The following ABAT variants were observed in gnomAD, a reference collection of about 807,000 sequenced individuals.
ABAT encodes 4-aminobutyrate aminotransferase, mitochondrial.
A neutral mutation model predicts 64.6 loss-of-function variants in ABAT; 45 were observed. The ratio of observed to expected loss-of-function variants is 0.70; its 90% CI spans 0.55 to 0.89. The LOEUF (loss-of-function observed/expected upper bound fraction) is 0.89. Among genes scored for constraint, ABAT ranks in the 40% least tolerant of loss-of-function variants. The pLI is 0.00. For missense variants in ABAT, 633 were observed against 658.4 expected (o/e 0.96, Z 0.42); for synonymous variants, 297 against 250.5 (o/e 1.19, Z -1.75).
intron 1 of ABAT, among the ~76,000 whole-genome samples, chr16:8,728,068 CAGAGAGAGAGAG>C (rs112812315): frequency 1.3e-5 from 2 of 150,476 alleles, no homozygotes; most frequent in Non-Finnish European, 3.0e-5. Flanking sequence ...GAGACCCTGT[CAGAGAGAGAGAG>C]AGAGAGAGAT....
At chr16:8,676,135 T>C (rs1177468205) in intron 1 of ABAT, among the ~76,000 whole-genome samples, 1 of 152,122 alleles carries the variant, frequency 6.6e-6, no homozygotes, top group Non-Finnish European at 1.5e-5. Context: ...TTGGAGCCTG[T>C]GTTGCGGCGT....
chr16:8,756,127 C>A (rs898956296), intron 5 of ABAT, among the ~76,000 whole-genome samples: 1 of 151,640 alleles, frequency 6.6e-6, no homozygotes, highest in Non-Finnish European at 1.5e-5. Flanking sequence ...GCACGAGACA[C>A]GAGAATCGCT....
intron 8 of ABAT, 81 bp from the exon 9 acceptor site, chr16:8,766,127 T>C (rs2059935239): frequency 2.2e-6 from 3 of 1,340,248 alleles, no homozygotes; most frequent in Non-Finnish European, 3.2e-6. Context: ...TTGTCTGGAC[T>C]GAATATCGGT....
intron 1 of ABAT, among the ~76,000 whole-genome samples, chr16:8,725,757 G>A (rs934938163): frequency 1.3e-5 from 2 of 152,128 alleles, no homozygotes; most frequent in Non-Finnish European, 2.9e-5. Flanking sequence ...GTACTTAGGG[G>A]TGGAATTGCT....
intron 1 of ABAT, among the ~76,000 whole-genome samples, chr16:8,676,045 G>A (rs890466794): frequency 9.2e-5 from 14 of 151,636 alleles, no homozygotes; most frequent in African/African-American, 3.4e-4. Context: ...TGGGGGTGGG[G>A]AGGGGGTGGG....
At chr16:8,755,627 C>T (rs1381751422) in intron 5 of ABAT, among the ~76,000 whole-genome samples, 1 of 152,126 alleles carries the variant, frequency 6.6e-6, no homozygotes, top group African/African-American at 2.4e-5. Flanking sequence ...GGCTTGACTT[C>T]AGGCCGGGTT....
chr16:8,766,383 G>C lies in ABAT; in HGVS notation c.603+113G>C, dbSNP rs967900160. On this transcript the variant is annotated intron_variant, in intron 9 of 15. Coordinates refer to ENST00000268251, the MANE Select transcript of ABAT (RefSeq NM_020686.6). ...AATTAGGAAGGGCCAGGCCAGGCGC[G>C]GTGGCTCATGCCTGTAATCCCAGCA... The C allele has an allele frequency of 4.2e-5, 43 of 1,016,060 alleles. No individual in the cohort carries two copies. In the Admixed American group the frequency reaches 7.0e-4, roughly 17 times the overall value. The allele number at this position is 1,016,060 out of a possible 1,614,324, so 62.9% of individuals were successfully genotyped here. A position where few individuals can be genotyped will look rare whatever the true frequency, so the allele number is the denominator to read the frequency against.
intron 1 of ABAT, among the ~76,000 whole-genome samples, chr16:8,687,718 T>A (rs2057488217): frequency 6.6e-6 from 1 of 152,130 alleles, no homozygotes; most frequent in Non-Finnish European, 1.5e-5. Context: ...ACCTGTGAGA[T>A]CAGGGGAAAG....
intron 6 of ABAT, chr16:8,759,991 G>T (rs896513469): frequency 6.6e-6 from 1 of 152,192 alleles, no homozygotes; most frequent in Non-Finnish European, 1.5e-5. Context: ...GCTTTAGAGC[G>T]TTCCCCTCTG....
chr16:8,707,380 A>G lies in ABAT; in HGVS notation c.-41-28319A>G, dbSNP rs147205785. On this transcript the variant is annotated intron_variant, in intron 1 of 15. Transcript: ENST00000268251. The stretch of plus-strand genomic sequence containing the variant: ...TTTTTTTTTTTTTTTTAGCGGAGAC[A>G]GGGTTTCACTATGTTGCCCAGGTCT... Among the ~76,000 whole-genome samples, 172 of 96,356 alleles carry G rather than the reference A, an allele frequency of 1.8e-3. 1 individual carries two copies. Among genetic ancestry groups the G allele is most frequent in the Middle Eastern group, 0.014 (2 of 140 alleles). The allele number at this position is 96,356 out of a possible 152,430, so 63.2% of individuals were successfully genotyped here.
intron 1 of ABAT, among the ~76,000 whole-genome samples, chr16:8,706,166 G>T (rs528583042): frequency 6.6e-6 from 1 of 152,072 alleles, no homozygotes; most frequent in African/African-American, 2.4e-5. Flanking sequence ...CCAACACCCT[G>T]AGAGGCTGAG....
intron 1 of ABAT, among the ~76,000 whole-genome samples, chr16:8,710,545 T>G (rs1353577229): frequency 6.6e-6 from 1 of 151,856 alleles, no homozygotes; most frequent in Non-Finnish European, 1.5e-5. Flanking sequence ...ATAACCAACC[T>G]AGGCAACACA....
At chr16:8,772,973 C>T in intron 12 of ABAT, 56 bp downstream of exon 12, 10 of 1,610,180 alleles carry the variant, frequency 6.2e-6, no homozygotes, top group Non-Finnish European at 6.8e-6. Context: ...GGTTGAGTTC[C>T]CCGAGTAACG....
intron 1 of ABAT, among the ~76,000 whole-genome samples, 193 bp from the exon 2 acceptor site, chr16:8,735,506 G>C (rs1056871724): frequency 2.6e-5 from 4 of 152,164 alleles, no homozygotes; most frequent in African/African-American, 9.7e-5. Context: ...CGGTCTCCCA[G>C]TGTGGCTGAG....
At position 8,735,735 on chromosome 16, in the gene ABAT, G is replaced by T; in HGVS notation, c.-5G>T. On this transcript the variant is annotated 5_prime_UTR_variant, in exon 2 of 16. Coordinates refer to ENST00000268251, the MANE Select transcript of ABAT (RefSeq NM_020686.6). ...GCAAAGGGTGTCCCTGTCCCTCAAGGGGTCATGGCCTCCATGTTGCTCGCC... is the reference window on the plus strand; with the variant it reads ...GCAAAGGGTGTCCCTGTCCCTCAAGTGGTCATGGCCTCCATGTTGCTCGCC... The T allele has an allele frequency of 6.2e-7, 1 of 1,600,906 alleles. No homozygotes were observed.
Position 8,774,886 on chromosome 16 carries a change from C to A in ABAT, c.955-4C>A, listed in dbSNP as rs774347728. On this transcript the variant is annotated splice_region_variant and splice_polypyrimidine_tract_variant and intron_variant, in intron 12 of 15. Transcript: ENST00000268251. The stretch of plus-strand genomic sequence containing the variant: ...TTTCTCCCTCCTCTCTCTTCTCCGG[C>A]CAGCATGGCTGCGCCTTCTTGGTGG... The A allele has an allele frequency of 6.2e-7, 1 of 1,613,856 alleles. No homozygotes were observed. The highest frequency in any genetic ancestry group is 8.5e-7 in the Non-Finnish European group (1 of 1,180,030).
chr16:8,735,084 T>C (rs1281720623), intron 1 of ABAT, among the ~76,000 whole-genome samples: 1 of 148,900 alleles, frequency 6.7e-6, no homozygotes, highest in Non-Finnish European at 1.5e-5. Flanking sequence ...CACATGCCTG[T>C]AGTCCCAGCT....
chr16:8,680,723 C>A (rs756406800), intron 1 of ABAT, among the ~76,000 whole-genome samples: 1 of 152,068 alleles, frequency 6.6e-6, no homozygotes, highest in Non-Finnish European at 1.5e-5. Flanking sequence ...CCACTGCGCC[C>A]GACCTCCATT....
Position 8,690,213 on chromosome 16 carries a change from C to A in ABAT, c.-42+15502C>A, listed in dbSNP as rs189289036. Among the ~76,000 whole-genome samples the A allele has an allele frequency of 2.4e-3, 368 of 152,336 alleles. 2 individuals carry two copies. The highest frequency in any genetic ancestry group is 0.02 in the Middle Eastern group (6 of 294). The stretch of plus-strand genomic sequence containing the variant: ...AGCAGCAGCATCTGCCTGGCACCAT[C>A]TCAGGTCTGGAACTCTTTTCTCCCC... On this transcript the variant is annotated intron_variant, in intron 1 of 15. Coordinates refer to ENST00000268251, the MANE Select transcript of ABAT (RefSeq NM_020686.6).
Sources: gnomAD v4.1 joint callset for allele counts (sites outside exome capture counted in the v4.1 genomes callset) on GRCh38, gnomAD v4.1.1 for gene constraint, MANE v1.5 for transcripts, NCBI Gene and HGNC (gene_info 2026-07-23, HGNC 2026-07-21) for gene names.